MMRN1: variants seen among roughly 807,000 people sequenced by gnomAD.
The protein encoded by MMRN1 is multimerin-1.
In MMRN1, 94 loss-of-function variants were observed where a neutral mutation model predicts 100.7. The ratio of observed to expected loss-of-function variants is 0.93; its 90% CI spans 0.79 to 1.11. The LOEUF (loss-of-function observed/expected upper bound fraction) is 1.11, where lower values mean the gene tolerates loss of function less well. Among genes scored for constraint, MMRN1 ranks in the 50% least tolerant of loss-of-function variants. The probability of loss-of-function intolerance (pLI) is 0.00; values close to 1 mark genes in which losing one functional copy is unlikely to be tolerated. For missense variants in MMRN1, 1,606 were observed against 1,439.1 expected, an observed-to-expected ratio of 1.12 and a Z score of -1.88; for synonymous variants, 575 against 505.0, an observed-to-expected ratio of 1.14 and a Z score of -1.86.
At chr4:89,879,615 G>A (rs952981710) in intron 1 of MMRN1, 8 of 152,096 alleles carry the variant, frequency 5.3e-5, no homozygotes, top group African/African-American at 1.7e-4. Flanking sequence ...AAGAGCTACC[G>A]ATAATTTTTT....
At chr4:89,881,626 G>T (rs763339039) in intron 1 of MMRN1, among the ~76,000 whole-genome samples, 64 of 151,698 alleles carry the variant, frequency 4.2e-4, no homozygotes, top group Non-Finnish European at 5.0e-4. Flanking sequence ...TTTGTCAAAG[G>T]TGCCCATGGT....
intron 3 of MMRN1, among the ~76,000 whole-genome samples, chr4:89,912,817 C>T (rs1316245519): frequency 6.6e-6 from 1 of 151,070 alleles, no homozygotes; most frequent in Admixed American, 6.6e-5. Context: ...TTATGGCTCA[C>T]ATTAAGAAAA....
chr4:89,914,632 T>C (rs1050659928), intron 3 of MMRN1, among the ~76,000 whole-genome samples: 5 of 151,516 alleles, frequency 3.3e-5, no homozygotes, highest in Non-Finnish European at 7.4e-5. Flanking sequence ...TATATATTTG[T>C]ACATAATGAG....
upstream of MMRN1, among the ~76,000 whole-genome samples, chr4:89,894,480 G>T (rs1721126005): frequency 6.6e-6 from 1 of 152,152 alleles, no homozygotes; most frequent in Non-Finnish European, 1.5e-5. Context: ...CAGCTTTCTG[G>T]ATAGAGCACA....
intron 6 of MMRN1, among the ~76,000 whole-genome samples, chr4:89,938,476 CAT>C (rs372673572): frequency 0.23 from 27,629 of 122,260 alleles, 2,544 homozygotes; most frequent in East Asian, 0.25. Flanking sequence ...ATTTTTTAAA[CAT>C]ATATATATAT....
At chr4:89,903,973 G>A (rs756391795) in intron 1 of MMRN1, among the ~76,000 whole-genome samples, 1 of 149,670 alleles carries the variant, frequency 6.7e-6, no homozygotes, top group Non-Finnish European at 1.5e-5. Context: ...GTTAAAAGGA[G>A]AATAAAAATC....
chr4:89,936,686 G>T lies in MMRN1; in HGVS notation c.3006G>T (p.Lys1002Asn). ...TGGCAAATGTTGTCAAGTCTCAGAAGCAAGTAAAATCATTGCCAAAGAAAA... is the reference window on the plus strand; with the variant it reads ...TGGCAAATGTTGTCAAGTCTCAGAATCAAGTAAAATCATTGCCAAAGAAAA... ...GSLANVVKSQ[K>N]QVKSLPKKIN... is the part of the protein sequence containing the mutation. Residue 1002 changes from lysine to asparagine, a missense_variant, in exon 6 of 8, where the codon AAG becomes AAT. Physicochemically the swap from Lys to Asn is moderately conservative, Grantham distance 94. Coordinates refer to ENST00000264790, the MANE Select transcript of MMRN1 (RefSeq NM_007351.3). 1 of 1,613,430 alleles carries T rather than the reference G, an allele frequency of 6.2e-7. No individual in the cohort carries two copies. Among genetic ancestry groups the T allele is most frequent in the Non-Finnish European group, 8.5e-7 (1 of 1,179,600 alleles).
intron 3 of MMRN1, among the ~76,000 whole-genome samples, chr4:89,912,943 T>G (rs564652325): frequency 1.1e-4 from 17 of 151,406 alleles, no homozygotes; most frequent in African/African-American, 4.1e-4. Context: ...TAATGCTATT[T>G]GTTCTGGGTC....
chr4:89,953,083 C>T lies in MMRN1; in HGVS notation c.3352C>T (p.Leu1118=), dbSNP rs1461798750. 6.2e-7 allele frequency: 1 copy of T among 1,613,706 alleles called. No homozygotes were observed. Among genetic ancestry groups the T allele is most frequent in the African/African-American group, 1.3e-5 (1 of 74,892 alleles). ...TGGAATGACTATACCTGGTCCTATC[C>T]TGTTTAATAACTTGGATGTCAATTA... ...TYGMTIPGPI[L]FNNLDVNYGA... The change falls in exon 8 of 8, where the codon CTG becomes TTG. Residue 1118 remains leucine (L), a synonymous_variant. Coordinates refer to ENST00000264790, the MANE Select transcript of MMRN1 (RefSeq NM_007351.3).
rs116997524 is a variant in MMRN1, at chr4:89,933,415, T to C, written c.1130-1395T>C. Among the ~76,000 whole-genome samples the C allele has an allele frequency of 8.5e-5, 13 of 152,316 alleles. No individual in the cohort carries two copies. The East Asian group carries it at 2.5e-3, about 29-fold the overall frequency. Reference sequence around the variant, plus strand: ...GTCGCTTCCACATTTTCAGGTGTCTTAATAGCAGTAGCCCACTCTATTGAT... The same window carrying C: ...GTCGCTTCCACATTTTCAGGTGTCTCAATAGCAGTAGCCCACTCTATTGAT... On this transcript the variant is annotated intron_variant, in intron 5 of 7. Coordinates refer to ENST00000264790, the MANE Select transcript of MMRN1 (RefSeq NM_007351.3).
chr4:89,886,636 C>G (rs946710227), intron 1 of MMRN1, among the ~76,000 whole-genome samples: 1 of 152,114 alleles, frequency 6.6e-6, no homozygotes, highest in African/African-American at 2.4e-5. Flanking sequence ...ATGTTAATAT[C>G]TCTGACTATG....
chr4:89,925,738 G>A (rs1284804235), intron 4 of MMRN1, among the ~76,000 whole-genome samples: 1 of 151,968 alleles, frequency 6.6e-6, no homozygotes, highest in Non-Finnish European at 1.5e-5. Context: ...GCTGAGGCAG[G>A]GGAATCGCTT....
intron 1 of MMRN1, among the ~76,000 whole-genome samples, chr4:89,902,723 T>C (rs1721432027): frequency 6.6e-6 from 1 of 151,996 alleles, no homozygotes; most frequent in Non-Finnish European, 1.5e-5. Flanking sequence ...TTGCAAAAGT[T>C]GGTACATAAA....
At chr4:89,913,020 T>TTATATATTTTA (rs1296685003) in intron 3 of MMRN1, among the ~76,000 whole-genome samples, 1 of 151,254 alleles carries the variant, frequency 6.6e-6, no homozygotes, top group African/African-American at 2.4e-5. Flanking sequence ...AATATGTACT[T>TTATATATTTTA]CATTTATAAC....
intron 3 of MMRN1, among the ~76,000 whole-genome samples, chr4:89,913,046 T>C (rs1721805689): frequency 6.6e-6 from 1 of 151,232 alleles, no homozygotes; most frequent in Non-Finnish European, 1.5e-5. Context: ...AAAATAAACT[T>C]TTAAATAAAA....
chr4:89,912,068 T>C lies in MMRN1; in HGVS notation c.850+18T>C. 1.4e-6 allele frequency: 2 copies of C among 1,476,382 alleles called. No individual in the cohort carries two copies. Among genetic ancestry groups the C allele is most frequent in the Non-Finnish European group, 9.3e-7 (1 of 1,075,974 alleles). The allele number at this position is 1,476,382 out of a possible 1,614,324, so 91.5% of individuals were successfully genotyped here. On this transcript the variant is annotated intron_variant, in intron 3 of 7. Transcript: ENST00000264790. ...ACTAAGAGGTACACTCTAATATTAA[T>C]AATCACAATTCTGAACAATAAGAAA...
At chr4:89,921,551 A>G (rs535779112) in intron 3 of MMRN1, among the ~76,000 whole-genome samples, 6 of 152,226 alleles carry the variant, frequency 3.9e-5, no homozygotes, top group African/African-American at 1.4e-4. Context: ...TAATAACCTT[A>G]TTGCTAGGTC....
At chr4:89,888,093 GATA>G (rs202086544) in intron 1 of MMRN1, among the ~76,000 whole-genome samples, 1,504 of 149,562 alleles carry the variant, frequency 0.01, 27 homozygotes, top group African/African-American at 0.035. Context: ...TAATTGATAA[GATA>G]ATATCAAATT....
chr4:89,914,438 T>C (rs1721850341), intron 3 of MMRN1, among the ~76,000 whole-genome samples: 2 of 151,354 alleles, frequency 1.3e-5, no homozygotes, highest in Non-Finnish European at 3.0e-5. Context: ...ATAATCAAAA[T>C]ACTGGTAGCC....
Sources: gnomAD v4.1 joint callset for allele counts (sites outside exome capture counted in the v4.1 genomes callset) on GRCh38, gnomAD v4.1.1 for gene constraint, MANE v1.5 for transcripts, NCBI Gene and HGNC (gene_info 2026-07-23, HGNC 2026-07-21) for gene names.